E2F7: variants seen among roughly 807,000 people sequenced by gnomAD.
The protein encoded by E2F7 is transcription factor E2F7.
E2F7 carries 35 observed loss-of-function variants against 81.1 expected under a neutral mutation model. The observed-to-expected ratio is 0.43, with a 90% CI of 0.33 to 0.57. The LOEUF (loss-of-function observed/expected upper bound fraction) is 0.57. Among genes scored for constraint, E2F7 ranks in the 20% least tolerant of loss-of-function variants. The pLI is 0.04. For synonymous variants in E2F7, 416 were observed against 416.2 expected, an observed-to-expected ratio of 1.00 and a Z score of 0.01; for missense variants, 961 against 1,093.7, an observed-to-expected ratio of 0.88 and a Z score of 1.71.
At chr12:77,063,463 G>A (rs1644239957) in intron 2 of E2F7, among the ~76,000 whole-genome samples, 1 of 152,104 alleles carries the variant, frequency 6.6e-6, no homozygotes, top group Non-Finnish European at 1.5e-5. Context: ...TAGTTAAGAT[G>A]GAAAAGGCAC....
At chr12:77,035,561 C>A (rs1220452937) in intron 7 of E2F7, among the ~76,000 whole-genome samples, 3 of 152,140 alleles carry the variant, frequency 2.0e-5, no homozygotes, top group Non-Finnish European at 4.4e-5. Flanking sequence ...CTTGCTAAGC[C>A]AAACTTAAAA....
rs1313630193 is a variant in E2F7, at chr12:77,028,045, G to C, written c.1978C>G (p.Pro660Ala). The C allele has an allele frequency of 6.2e-7, 1 of 1,614,090 alleles. No individual in the cohort carries two copies. Among genetic ancestry groups the C allele is most frequent in the East Asian group, 2.2e-5 (1 of 44,902 alleles). The change falls in exon 11 of 13, where the codon CCT becomes GCT. Residue 660 changes from proline to alanine, a missense_variant. This residue lies in a region of E2F7 where 587 missense variants were observed against 620.3 expected (regional missense o/e 0.95). Transcript: ENST00000322886. ...TTTCCTGAAATCTCTTCTGCAGCAG[G>C]GAGTTGGCCATTCACATGAATGTCT... The part of the protein sequence containing the change: ...LKDIHVNGQL[P>A]AAEEISGKAT...
chr12:77,028,208 TTTGA>T, intron 10 of E2F7, 70 bp from the exon 11 acceptor site: 2 of 1,539,504 alleles, frequency 1.3e-6, no homozygotes, highest in Non-Finnish European at 1.7e-6. Flanking sequence ...CTTTTTTTTT[TTTGA>T]GATGGAGTCT....
Position 77,023,856 on chromosome 12 carries a change from T to G in E2F7, c.*159A>C. The G allele has an allele frequency of 1.1e-6, 1 of 886,748 alleles. No individual in the cohort carries two copies. The allele number at this position is 886,748 out of a possible 1,614,324, so 54.9% of individuals were successfully genotyped here. A position where few individuals can be genotyped will look rare whatever the true frequency, so the allele number is the denominator to read the frequency against. On this transcript the variant is annotated 3_prime_UTR_variant, in exon 13 of 13. Transcript: ENST00000322886. ...GTATTAAATGCACAATTAATTACTT[T>G]CAGGAAATCAGATGATTGATGGTGG...
chr12:77,035,176 C>T (rs1378771046), intron 7 of E2F7, among the ~76,000 whole-genome samples: 1 of 152,128 alleles, frequency 6.6e-6, no homozygotes, highest in African/African-American at 2.4e-5. Context: ...GGAGGGGGAC[C>T]TAGACAGAGA....
At chr12:77,047,931 T>A (rs1412929751) in intron 4 of E2F7, among the ~76,000 whole-genome samples, 1 of 152,208 alleles carries the variant, frequency 6.6e-6, no homozygotes, top group Non-Finnish European at 1.5e-5. Context: ...AGAAATATCA[T>A]GTGACCGCAA....
At chr12:77,035,824 A>G (rs1954844670) in intron 7 of E2F7, among the ~76,000 whole-genome samples, 1 of 152,140 alleles carries the variant, frequency 6.6e-6, no homozygotes, top group Non-Finnish European at 1.5e-5. Flanking sequence ...TAAATTCAAG[A>G]CACTAGGGGA....
chr12:77,026,650 A>C (rs1460436605), intron 11 of E2F7, among the ~76,000 whole-genome samples: 1 of 152,116 alleles, frequency 6.6e-6, no homozygotes, highest in Admixed American at 6.6e-5. Flanking sequence ...TCCCTCAATT[A>C]TCACAGGCAA....
In E2F7 at chr12:77,022,650, GAAGGAAGA is replaced by G. The variant is rs1417038935; in HGVS notation, c.*1357_*1364del. 1.3e-5 allele frequency: 2 copies of G among 152,610 alleles called. No individual in the cohort carries two copies. The highest frequency in any genetic ancestry group is 4.8e-5 in the African/African-American group (2 of 41,544). 9.5% of individuals were successfully genotyped at this position (152,610 alleles called of 1,614,324 possible). ...AGGAAGAAAAGAAGTAGGAAGGAGGGAAGGAAGAGAGAATGAAGGAAAGTAGGAAGGAA... is the reference window on the plus strand; with the variant it reads ...AGGAAGAAAAGAAGTAGGAAGGAGGGGAGAATGAAGGAAAGTAGGAAGGAA... On this transcript the variant is annotated 3_prime_UTR_variant, in exon 13 of 13. Transcript: ENST00000322886.
In E2F7 at chr12:77,034,025, C is replaced by T. The variant is rs767716370; in HGVS notation, c.1141G>A (p.Val381Ile). Residue 381 changes from valine to isoleucine, a missense_variant, in exon 8 of 13, where the codon GTT becomes ATT. Val to Ile is a conservative substitution (Grantham distance 29). Around this residue, in one of 3 missense-constraint regions of E2F7, gnomAD observed 301 missense variants for 405.0 expected, o/e 0.74. Transcript: ENST00000322886. ...FSSSDEELVD[V>I]SASVLPELKR... ...AATTCTGGTAAGACAGATGCAGAAA[C>T]ATCCACCAGTTCTTCATCTACATAA... 8 of 1,612,664 alleles carry T rather than the reference C, an allele frequency of 5.0e-6. No individual in the cohort carries two copies. The highest frequency in any genetic ancestry group is 4.0e-5 in the African/African-American group (3 of 74,820).
chr12:77,023,752 AT>A lies in E2F7; in HGVS notation c.*262del. 1 of 408,062 alleles carries A rather than the reference AT, an allele frequency of 2.5e-6. No individual in the cohort carries two copies. The highest frequency in any genetic ancestry group is 4.5e-5 in the South Asian group (1 of 22,320). 25.3% of individuals were successfully genotyped at this position (408,062 alleles called of 1,614,324 possible). ...TAGCCTATTCAGATCTACTTCCAGAATAAGACGATTCTTGAATCAAAACCAT... is the reference window on the plus strand; with the variant it reads ...TAGCCTATTCAGATCTACTTCCAGAAAAGACGATTCTTGAATCAAAACCAT... On this transcript the variant is annotated 3_prime_UTR_variant, in exon 13 of 13. Transcript: ENST00000322886.
chr12:77,059,442 C>T (rs529944336), intron 2 of E2F7, among the ~76,000 whole-genome samples: 2 of 152,216 alleles, frequency 1.3e-5, no homozygotes, highest in Admixed American at 6.5e-5. Context: ...CCCAGATTTC[C>T]GTAGGTATAA....
rs1297049537 is a variant in E2F7, at chr12:77,021,774, A to G, written c.*2241T>C. The G allele has an allele frequency of 6.6e-6, 1 of 152,236 alleles. No individual in the cohort carries two copies. The highest frequency in any genetic ancestry group is 1.5e-5 in the Non-Finnish European group (1 of 68,028). The allele number at this position is 152,236 out of a possible 1,614,324, so 9.4% of individuals were successfully genotyped here. The stretch of plus-strand genomic sequence containing the variant: ...TTGCCATTGCTTCTTCACTACCCAA[A>G]ATATCCAAGTCTAGCGCAGCAGCTT... On this transcript the variant is annotated 3_prime_UTR_variant, in exon 13 of 13. Coordinates refer to ENST00000322886, the MANE Select transcript of E2F7 (RefSeq NM_203394.3).
At chr12:77,031,366 C>A (rs1442150292) in intron 9 of E2F7, among the ~76,000 whole-genome samples, 1 of 152,150 alleles carries the variant, frequency 6.6e-6, no homozygotes, top group Non-Finnish European at 1.5e-5. Flanking sequence ...GAGGGCCAGG[C>A]GTGGTGGCTC....
chr12:77,046,449 G>T, intron 4 of E2F7, 121 bp from the exon 5 acceptor site: 2 of 1,047,172 alleles, frequency 1.9e-6, no homozygotes, highest in Non-Finnish European at 2.7e-6. Flanking sequence ...AATGCCCACT[G>T]CGTGGATGCT....
At chr12:77,032,085 A>C (rs1954812486) in intron 9 of E2F7, among the ~76,000 whole-genome samples, 1 of 152,168 alleles carries the variant, frequency 6.6e-6, no homozygotes, top group Non-Finnish European at 1.5e-5. Context: ...TCTGGTGAGC[A>C]CAGCTCAGCT....
At chr12:77,047,181 T>C (rs764619336) in intron 4 of E2F7, among the ~76,000 whole-genome samples, 3 of 152,166 alleles carry the variant, frequency 2.0e-5, no homozygotes, top group African/African-American at 7.2e-5. Context: ...AAAATACTTA[T>C]AGTTGTTAAG....
At chr12:77,047,117 T>C (rs1373190283) in intron 4 of E2F7, among the ~76,000 whole-genome samples, 1 of 152,154 alleles carries the variant, frequency 6.6e-6, no homozygotes, top group Non-Finnish European at 1.5e-5. Context: ...CACTACTCAC[T>C]TTCCCAACAC....
intron 2 of E2F7, among the ~76,000 whole-genome samples, chr12:77,059,960 C>CAAAAAA (rs59663589): frequency 1.3e-5 from 1 of 77,216 alleles, no homozygotes; most frequent in African/African-American, 4.9e-5. Flanking sequence ...GATTCTGTCT[C>CAAAAAA]AAAAAAAAAA....
Sources: gnomAD v4.1 joint callset for allele counts (sites outside exome capture counted in the v4.1 genomes callset) on GRCh38, gnomAD v4.1.1 for gene constraint, gnomAD v4.1.1 regional missense constraint, MANE v1.5 for transcripts, NCBI Gene and HGNC (gene_info 2026-07-23, HGNC 2026-07-21) for gene names.